Variants in TRIM33 observed in about 807,000 individuals in gnomAD.
TRIM33 encodes the protein E3 ubiquitin-protein ligase TRIM33.
A neutral mutation model predicts 125.4 loss-of-function variants in TRIM33; 20 were observed. The ratio of observed to expected loss-of-function variants is 0.16; its 90% CI spans 0.11 to 0.23. The LOEUF (loss-of-function observed/expected upper bound fraction) is 0.23. TRIM33 is among the 10% of genes least tolerant of loss of function. The pLI is 1.00. For synonymous variants in TRIM33, 564 were observed against 513.9 expected, an observed-to-expected ratio of 1.10 and a Z score of -1.32; for missense variants, 920 against 1,411.4, an observed-to-expected ratio of 0.65 and a Z score of 5.58.
At chr1:114,451,877 C>T (rs79172490) in intron 4 of TRIM33, among the ~76,000 whole-genome samples, 1,557 of 152,056 alleles carry the variant, frequency 0.01, 24 homozygotes, top group African/African-American at 0.035. Flanking sequence ...TTTTAAAAAG[C>T]AGGGAGAGGC....
intron 11 of TRIM33, among the ~76,000 whole-genome samples, chr1:114,412,383 C>G (rs1652652236): frequency 6.6e-6 from 1 of 152,184 alleles, no homozygotes; most frequent in Non-Finnish European, 1.5e-5. Context: ...GTACAATAAA[C>G]TAAATATATT....
chr1:114,406,218 T>A (rs1652235284), intron 14 of TRIM33, among the ~76,000 whole-genome samples: 1 of 152,152 alleles, frequency 6.6e-6, no homozygotes, highest in African/African-American at 2.4e-5. Flanking sequence ...CCATTTTTTT[T>A]ATGGGGGTAC....
chr1:114,466,198 T>G (rs1650287656), intron 1 of TRIM33, among the ~76,000 whole-genome samples: 1 of 152,100 alleles, frequency 6.6e-6, no homozygotes, highest in East Asian at 1.9e-4. Flanking sequence ...CTTGAGAAAG[T>G]GTATTATATA....
Position 114,397,363 on chromosome 1 carries a change from ACAAT to A in TRIM33, c.*281_*284del, listed in dbSNP as rs1183513161. The A allele has an allele frequency of 2.5e-5, 11 of 439,982 alleles. No homozygotes were observed. The Admixed American group carries it at 3.2e-4, about 13-fold the overall frequency. The allele number at this position is 439,982 out of a possible 1,614,324, so 27.3% of individuals were successfully genotyped here. A position where few individuals can be genotyped will look rare whatever the true frequency, so the allele number is the denominator to read the frequency against. On this transcript the variant is annotated 3_prime_UTR_variant, in exon 20 of 20. Transcript: ENST00000358465. ...CAATCATCAATATTTGCCATTTCTA[ACAAT>A]CAGAGAATCATCTCCATTAGAACAG...
intron 1 of TRIM33, among the ~76,000 whole-genome samples, chr1:114,486,543 T>G (rs1429932939): frequency 4.6e-5 from 4 of 87,338 alleles, no homozygotes; most frequent in Admixed American, 1.3e-4. Flanking sequence ...TGGGACCCTA[T>G]CTCAAAAAAA....
chr1:114,402,795 T>C lies in TRIM33; in HGVS notation c.2857A>G (p.Lys953Glu). 6.2e-7 allele frequency: 1 copy of C among 1,614,108 alleles called. No homozygotes were observed. Among genetic ancestry groups the C allele is most frequent in the Non-Finnish European group, 8.5e-7 (1 of 1,180,008 alleles). Residue 953 changes from lysine to glutamate, a missense_variant, in exon 16 of 20, where the codon AAA (lysine) becomes GAA (glutamate). Lys to Glu is a moderately conservative substitution (Grantham distance 56). This residue lies in a region of TRIM33 where 122 missense variants were observed against 236.8 expected (regional missense o/e 0.52). Coordinates refer to ENST00000358465, the MANE Select transcript of TRIM33 (RefSeq NM_015906.4). Reference protein sequence around the residue: ...CDNLQHSKKGKTAQGLSPVDQ... With the variant: ...CDNLQHSKKGETAQGLSPVDQ... ...ACGGGGCTTAACCCCTGCGCAGTTTTCCCCTTCTTACTATGTTGCAAATTA... is the reference window on the plus strand; with the variant it reads ...ACGGGGCTTAACCCCTGCGCAGTTTCCCCCTTCTTACTATGTTGCAAATTA...
At position 114,425,743 on chromosome 1, in the gene TRIM33, A is replaced by G; in HGVS notation, c.1421-20T>C. Reference sequence around the variant, plus strand: ...GATTACCTGAAAAATTTAAAAAATGAGAATTTGCATATAATCAACTAAATC... The same window carrying G: ...GATTACCTGAAAAATTTAAAAAATGGGAATTTGCATATAATCAACTAAATC... On this transcript the variant is annotated intron_variant, in intron 8 of 19. Coordinates refer to ENST00000358465, the MANE Select transcript of TRIM33 (RefSeq NM_015906.4). 1 of 1,548,162 alleles carries G rather than the reference A, an allele frequency of 6.5e-7. No individual in the cohort carries two copies. Among genetic ancestry groups the G allele is most frequent in the Non-Finnish European group, 8.8e-7 (1 of 1,135,696 alleles).
At chr1:114,461,244 T>TTTATATTTTATATTTTATATA (rs1649971156) in intron 4 of TRIM33, among the ~76,000 whole-genome samples, 1 of 145,304 alleles carries the variant, frequency 6.9e-6, no homozygotes, top group Non-Finnish European at 1.5e-5. Context: ...ATACATATAT[T>TTTATATTTTATATTTTATATA]TATATTTTAT....
intron 4 of TRIM33, among the ~76,000 whole-genome samples, chr1:114,436,628 C>T (rs557057665): frequency 6.6e-6 from 1 of 152,040 alleles, no homozygotes; most frequent in East Asian, 2.0e-4. Flanking sequence ...CCATGCCTGG[C>T]TAATTTTTGT....
chr1:114,505,524 A>C lies in TRIM33; in HGVS notation c.526+5027T>G, dbSNP rs541274220. Among the ~76,000 whole-genome samples the C allele has an allele frequency of 8.7e-4, 88 of 100,978 alleles. No homozygotes were observed. The South Asian group carries it at 0.01, about 12-fold the overall frequency. 66.2% of individuals were successfully genotyped at this position (100,978 alleles called of 152,430 possible). A position where few individuals can be genotyped will look rare whatever the true frequency, so the allele number is the denominator to read the frequency against. On this transcript the variant is annotated intron_variant, in intron 1 of 19. Coordinates refer to ENST00000358465, the MANE Select transcript of TRIM33 (RefSeq NM_015906.4). Reference sequence around the variant, plus strand: ...CAGAGGTTTTCCCTCCCACTTACACATGATTGTTGCCATCTCAGACTTTTC... The same window carrying C: ...CAGAGGTTTTCCCTCCCACTTACACCTGATTGTTGCCATCTCAGACTTTTC...
At chr1:114,460,094 A>C (rs1294167162) in intron 4 of TRIM33, 1 of 163,514 alleles carries the variant, frequency 6.1e-6, no homozygotes, top group Non-Finnish European at 1.4e-5. Context: ...AAGGATGATA[A>C]ATTTCAGATT....
intron 11 of TRIM33, among the ~76,000 whole-genome samples, chr1:114,414,184 G>GT (rs949105066): frequency 6.6e-6 from 1 of 151,802 alleles, no homozygotes; most frequent in Non-Finnish European, 1.5e-5. Flanking sequence ...AACTATTTTT[G>GT]TTTTTTTCCT....
In TRIM33 at chr1:114,402,654, T is replaced by G. The variant is rs1434848222; in HGVS notation, c.2892+106A>C. On this transcript the variant is annotated intron_variant, in intron 16 of 19. Transcript: ENST00000358465. ...TACCATCAGATGACAGGATTAAAAA[T>G]TAAATGTTATCAGGTTTTGTGTATG... 6 of 1,308,914 alleles carry G rather than the reference T, an allele frequency of 4.6e-6. No individual in the cohort carries two copies. The East Asian group carries it at 1.2e-4, about 26-fold the overall frequency. The allele number at this position is 1,308,914 out of a possible 1,614,324, so 81.1% of individuals were successfully genotyped here.
At chr1:114,493,676 T>C (rs1317294293) in intron 1 of TRIM33, among the ~76,000 whole-genome samples, 1 of 151,074 alleles carries the variant, frequency 6.6e-6, no homozygotes, top group East Asian at 1.9e-4. Context: ...TGTACCAACA[T>C]CCTTTTTTTG....
At chr1:114,439,458 G>C (rs1220195519) in intron 4 of TRIM33, among the ~76,000 whole-genome samples, 2 of 102,514 alleles carry the variant, frequency 2.0e-5, no homozygotes, top group Non-Finnish European at 3.5e-5. Context: ...GACAGAGAGA[G>C]ACTCTGTATC....
intron 10 of TRIM33, 134 bp from the exon 11 acceptor site, chr1:114,421,770 A>T: frequency 1.2e-6 from 1 of 806,858 alleles, no homozygotes; most frequent in East Asian, 2.7e-5. Context: ...TATTCAGGAG[A>T]AGAACAGTTC....
Position 114,405,572 on chromosome 1 carries a change from T to C in TRIM33, c.2606A>G (p.His869Arg), listed in dbSNP as rs886641680. 4 of 1,614,106 alleles carry C rather than the reference T, an allele frequency of 2.5e-6. No individual in the cohort carries two copies. The highest frequency in any genetic ancestry group is 2.7e-5 in the African/African-American group (2 of 74,932). The change falls in exon 15 of 20, where the codon CAC becomes CGC. Residue 869 changes from histidine (H) to arginine (R), a missense_variant. Transcript: ENST00000358465. ...ATCTCCTCCAATCCTTGCCGACCTGTGCATGAGGCTTCGAATTGGGGACTT... is the reference window on the plus strand; with the variant it reads ...ATCTCCTCCAATCCTTGCCGACCTGCGCATGAGGCTTCGAATTGGGGACTT... ...NGKSPIRSLM[H>R]RSARIGGDGN...
chr1:114,448,204 G>A (rs531654690), intron 4 of TRIM33, among the ~76,000 whole-genome samples: 1 of 152,316 alleles, frequency 6.6e-6, no homozygotes, highest in South Asian at 2.1e-4. Context: ...TGTATAAGTA[G>A]AGAAATTAGC....
At chr1:114,503,244 G>A (rs1481549766) in intron 1 of TRIM33, among the ~76,000 whole-genome samples, 1 of 152,182 alleles carries the variant, frequency 6.6e-6, no homozygotes, top group Non-Finnish European at 1.5e-5. Context: ...ACTTTGGGAG[G>A]CTGAGGTGGG....
Sources: gnomAD v4.1 joint callset for allele counts (sites outside exome capture counted in the v4.1 genomes callset) on GRCh38, gnomAD v4.1.1 for gene constraint, gnomAD v4.1.1 regional missense constraint, MANE v1.5 for transcripts, NCBI Gene and HGNC (gene_info 2026-07-23, HGNC 2026-07-21) for gene names.